CRIPTO: variants seen among roughly 807,000 people sequenced by gnomAD.
CRIPTO encodes the protein cripto, EGF-CFC family member.
the CRIPTO span, chr3:46,577,839 A>C: frequency 1.9e-6 from 2 of 1,071,472 alleles, no homozygotes; most frequent in Non-Finnish European, 2.9e-6. Context: ...TCTGGGGAAA[A>C]CGAATTTCTC....
At chr3:46,579,831 T>A in the CRIPTO span, 3 of 1,614,024 alleles carry the variant, frequency 1.9e-6, no homozygotes, top group Non-Finnish European at 2.5e-6. Flanking sequence ...CGGACGGAAC[T>A]GTGAGCACGA....
chr3:46,579,526 C>A, the CRIPTO span: 1 of 1,353,540 alleles, frequency 7.4e-7, no homozygotes, highest in Non-Finnish European at 1.0e-6. Flanking sequence ...GTGTATTTTA[C>A]TTCCCTAGAG....
chr3:46,576,179 C>T, the CRIPTO span, among the ~76,000 whole-genome samples: 1 of 152,158 alleles, frequency 6.6e-6, no homozygotes, highest in Non-Finnish European at 1.5e-5. Context: ...CTCCCAAGAT[C>T]ATGTGTAAGG....
chr3:46,579,010 C>A, the CRIPTO span: 1 of 1,444,604 alleles, frequency 6.9e-7, no homozygotes, highest in Non-Finnish European at 9.7e-7. Flanking sequence ...GTGGTCTTGT[C>A]CTTGTGATGA....
chr3:46,581,106 A>G, the CRIPTO span: 3 of 1,568,094 alleles, frequency 1.9e-6, no homozygotes, highest in South Asian at 3.3e-5. Context: ...GGTTTGCTTT[A>G]ATGACCAAGC....
chr3:46,579,417 CTGAG>C, the CRIPTO span: 2 of 1,613,588 alleles, frequency 1.2e-6, no homozygotes, highest in Non-Finnish European at 1.7e-6. Context: ...CATGTGTCTC[CTGAG>C]TATCTTTCCA....
the CRIPTO span, chr3:46,577,539 CTTT>C: frequency 1.6e-5 from 3 of 185,740 alleles, no homozygotes; most frequent in African/African-American, 7.1e-5. Context: ...TTTCTTTTTT[CTTT>C]TTTTTTCCCA....
the CRIPTO span, among the ~76,000 whole-genome samples, chr3:46,574,978 A>G: frequency 6.6e-5 from 10 of 152,246 alleles, no homozygotes; most frequent in African/African-American, 2.4e-4. Flanking sequence ...TTCTGCTCTC[A>G]GTGCCTTTTG....
At chr3:46,582,312 A>G in the CRIPTO span, 2 of 152,230 alleles carry the variant, frequency 1.3e-5, no homozygotes, top group Non-Finnish European at 2.9e-5. Context: ...CCTCCAAGCT[A>G]TTCAATTCTT....
chr3:46,578,578 G>C, the CRIPTO span, among the ~76,000 whole-genome samples: 1 of 152,006 alleles, frequency 6.6e-6, no homozygotes, highest in Non-Finnish European at 1.5e-5. Context: ...GCATGGTGGC[G>C]GGCACCTGTA....
the CRIPTO span, among the ~76,000 whole-genome samples, chr3:46,576,212 G>A: frequency 6.6e-6 from 1 of 152,204 alleles, no homozygotes; most frequent in Non-Finnish European, 1.5e-5. Flanking sequence ...GCTCATGCCT[G>A]TAATCCCAGC....
the CRIPTO span, chr3:46,579,838 A>G: frequency 6.2e-7 from 1 of 1,614,106 alleles, no homozygotes; most frequent in Non-Finnish European, 8.5e-7. Flanking sequence ...AACTGTGAGC[A>G]CGATGTGCGC....
chr3:46,575,037 C>A, the CRIPTO span, among the ~76,000 whole-genome samples: 1 of 152,200 alleles, frequency 6.6e-6, no homozygotes. Context: ...CGTTGCACAG[C>A]ACTTCCCAAT....
the CRIPTO span, chr3:46,577,967 G>C: frequency 6.2e-7 from 1 of 1,614,160 alleles, no homozygotes; most frequent in South Asian, 1.1e-5. Flanking sequence ...ATTGTTAAAA[G>C]CTATGGACTG....
chr3:46,580,632 G>A, the CRIPTO span, among the ~76,000 whole-genome samples: 225 of 152,236 alleles, frequency 1.5e-3, 1 homozygote, highest in Non-Finnish European at 4.0e-4. Flanking sequence ...GAAAAGAAGG[G>A]CAGCACCTGG....
the CRIPTO span, chr3:46,581,348 C>A: frequency 3.1e-6 from 3 of 960,850 alleles, no homozygotes; most frequent in Non-Finnish European, 5.1e-6. Flanking sequence ...GAAAGATGAT[C>A]ATTTGTAGTT....
chr3:46,576,721 A>G, the CRIPTO span, among the ~76,000 whole-genome samples: 1 of 152,218 alleles, frequency 6.6e-6, no homozygotes, highest in East Asian at 1.9e-4. Context: ...GCTTTCCTTT[A>G]GAAATTGGAA....
chr3:46,579,162 G>T, the CRIPTO span: 1 of 1,613,992 alleles, frequency 6.2e-7, no homozygotes, highest in Admixed American at 1.7e-5. Flanking sequence ...GAGACCTTTT[G>T]TTCTTTTGAT....
At chr3:46,579,493 G>A in the CRIPTO span, 1 of 1,518,104 alleles carries the variant, frequency 6.6e-7, no homozygotes, top group South Asian at 1.1e-5. Flanking sequence ...ACTGCTTTTG[G>A]TTTTGGAAGT....
Sources: gnomAD v4.1 joint callset for allele counts (sites outside exome capture counted in the v4.1 genomes callset) on GRCh38, gnomAD v4.1.1 for gene constraint, MANE v1.5 for transcripts, NCBI Gene and HGNC (gene_info 2026-07-23, HGNC 2026-07-21) for gene names.